SGCD: variants seen among roughly 807,000 people sequenced by gnomAD.
The protein encoded by SGCD is delta-sarcoglycan.
A neutral mutation model predicts 36.6 loss-of-function variants in SGCD; 18 were observed. That is an observed-to-expected ratio of 0.49 (90% CI 0.34 to 0.73). SGCD has a LOEUF of 0.73. SGCD is among the 30% of genes least tolerant of loss of function. SGCD has a pLI of 0.01. For synonymous variants in SGCD, 133 were observed against 130.6 expected, an observed-to-expected ratio of 1.02 and a Z score of -0.12; for missense variants, 387 against 346.7, an observed-to-expected ratio of 1.12 and a Z score of -0.92.
intron 3 of SGCD, among the ~76,000 whole-genome samples, chr5:156,136,302 A>G (rs1267249550): frequency 1.3e-5 from 2 of 152,164 alleles, no homozygotes; most frequent in African/African-American, 4.8e-5. Context: ...TTGTAGAGGC[A>G]GGGACTTGCC....
chr5:156,441,698 C>T (rs180946685), intron 3 of SGCD, among the ~76,000 whole-genome samples: 163 of 152,166 alleles, frequency 1.1e-3, no homozygotes, highest in Admixed American at 2.6e-3. Flanking sequence ...TATAATGAGA[C>T]GTCTATTGGT....
chr5:155,776,227 A>G, the SGCD span, among the ~76,000 whole-genome samples: 1 of 151,974 alleles, frequency 6.6e-6, no homozygotes, highest in African/African-American at 2.4e-5. Context: ...TTTCTTGATA[A>G]CTCCAAAAAA....
chr5:156,444,778 T>A (rs10076874), intron 3 of SGCD, among the ~76,000 whole-genome samples: 3,145 of 152,238 alleles, frequency 0.021, 119 homozygotes, highest in African/African-American at 0.071. Flanking sequence ...ATCTATCCAC[T>A]GTAATTACAT....
chr5:156,088,994 G>A (rs913336018), intron 1 of SGCD, among the ~76,000 whole-genome samples: 1 of 152,076 alleles, frequency 6.6e-6, no homozygotes, highest in African/African-American at 2.4e-5. Context: ...TGTTGATTTG[G>A]TCCTTGATTT....
chr5:156,418,188 T>G (rs1010249348), intron 3 of SGCD, among the ~76,000 whole-genome samples: 2 of 152,174 alleles, frequency 1.3e-5, no homozygotes, highest in Admixed American at 1.3e-4. Flanking sequence ...CCCAATACAG[T>G]GCCCAAACTG....
chr5:155,795,814 C>T, the SGCD span, among the ~76,000 whole-genome samples: 1 of 152,106 alleles, frequency 6.6e-6, no homozygotes, highest in Non-Finnish European at 1.5e-5. Context: ...TTGTCCTCTA[C>T]ACTGTAAGCA....
At chr5:156,583,342 C>T (rs562563647) in intron 4 of SGCD, among the ~76,000 whole-genome samples, 44 of 152,286 alleles carry the variant, frequency 2.9e-4, no homozygotes, top group African/African-American at 1.1e-3. Flanking sequence ...GCTGTTGCCT[C>T]TCCAATTGCC....
intron 4 of SGCD, among the ~76,000 whole-genome samples, chr5:156,545,568 C>T (rs182806353): frequency 3.1e-4 from 47 of 152,214 alleles, no homozygotes; most frequent in African/African-American, 8.4e-4. Context: ...AAGGAGCGCC[C>T]GACCTAGATC....
intron 3 of SGCD, among the ~76,000 whole-genome samples, chr5:156,252,905 G>A (rs578047053): frequency 6.6e-6 from 1 of 152,282 alleles, no homozygotes; most frequent in South Asian, 2.1e-4. Context: ...CTGACACACA[G>A]TGCTTCCTTA....
chr5:156,185,276 A>C (rs534877817), intron 3 of SGCD, among the ~76,000 whole-genome samples: 2 of 145,556 alleles, frequency 1.4e-5, no homozygotes, highest in Non-Finnish European at 3.0e-5. Context: ...GTGCAGTGGC[A>C]CAATCTCGGC....
At chr5:156,492,962 A>G (rs1410217405) in intron 3 of SGCD, among the ~76,000 whole-genome samples, 1 of 152,170 alleles carries the variant, frequency 6.6e-6, no homozygotes, top group African/African-American at 2.4e-5. Flanking sequence ...CCAGTCTATC[A>G]TTGATGGGCA....
chr5:156,135,880 C>T (rs773579053), intron 3 of SGCD, among the ~76,000 whole-genome samples: 1 of 152,100 alleles, frequency 6.6e-6, no homozygotes, highest in African/African-American at 2.4e-5. Context: ...TTTTCAGGAT[C>T]TGGACTTCCT....
At chr5:156,072,988 C>G (rs950260781) in intron 1 of SGCD, among the ~76,000 whole-genome samples, 17 of 152,196 alleles carry the variant, frequency 1.1e-4, no homozygotes, top group Non-Finnish European at 1.8e-4. Flanking sequence ...CCATCAGCTC[C>G]TTTAAGCACT....
intron 1 of SGCD, among the ~76,000 whole-genome samples, chr5:155,928,532 G>A (rs141412663): frequency 2.2e-3 from 340 of 151,964 alleles, no homozygotes; most frequent in Non-Finnish European, 4.1e-3. Context: ...GCTGGGTTCG[G>A]TGGTGCACAC....
intron 1 of SGCD, among the ~76,000 whole-genome samples, chr5:155,945,963 A>G (rs1191982128): frequency 6.6e-6 from 1 of 152,200 alleles, no homozygotes; most frequent in African/African-American, 2.4e-5. Context: ...GGGTGGGAGC[A>G]TGAAGGGAGG....
At position 156,695,399 on chromosome 5, in the gene SGCD, A is replaced by G. The variant is rs186966105; in HGVS notation, c.575+47863A>G. The stretch of plus-strand genomic sequence containing the variant: ...AAAACTGCCTTCCAAATTGCATGGC[A>G]ACTCTTCTCCAGTCCTGCTGAGTTT... On this transcript the variant is annotated intron_variant, in intron 7 of 8. Coordinates refer to ENST00000337851, the MANE Select transcript of SGCD (RefSeq NM_000337.6). Among the ~76,000 whole-genome samples, 271 of 152,228 alleles carry G rather than the reference A, an allele frequency of 1.8e-3. 1 individual carries two copies. Among genetic ancestry groups the G allele is most frequent in the African/African-American group, 6.3e-3 (263 of 41,552 alleles).
chr5:155,845,682 A>C, the SGCD span, among the ~76,000 whole-genome samples: 1 of 152,230 alleles, frequency 6.6e-6, no homozygotes, highest in Non-Finnish European at 1.5e-5. Context: ...GGTTGTAACC[A>C]CAGTGGTGAA....
chr5:155,873,167 C>G (rs1333355557), intron 1 of SGCD, among the ~76,000 whole-genome samples: 1 of 152,124 alleles, frequency 6.6e-6, no homozygotes, highest in Admixed American at 6.5e-5. Flanking sequence ...AATCCTGAGC[C>G]TCATTTGGTA....
At chr5:155,878,919 C>G (rs534529374) in intron 1 of SGCD, among the ~76,000 whole-genome samples, 1 of 152,204 alleles carries the variant, frequency 6.6e-6, no homozygotes, top group Admixed American at 6.5e-5. Flanking sequence ...TAGCTAGTTT[C>G]ACTTGGCTTT....
Sources: allele counts gnomAD v4.1 joint callset (sites outside exome capture counted in the v4.1 genomes callset), GRCh38; gene constraint gnomAD v4.1.1; transcripts MANE v1.5; gene names NCBI Gene and HGNC (gene_info 2026-07-23, HGNC 2026-07-21).